ACTN1: variants seen among roughly 807,000 people sequenced by gnomAD.
The protein encoded by ACTN1 is actinin alpha 1, also known as alpha-actinin-1.
A neutral mutation model predicts 119.6 loss-of-function variants in ACTN1; 30 were observed. That is an observed-to-expected ratio of 0.25 (90% CI 0.19 to 0.34). ACTN1 has a LOEUF of 0.34. ACTN1 is among the 10% of genes least tolerant of loss of function. ACTN1 has a pLI of 1.00. For synonymous variants in ACTN1, 429 were observed against 472.6 expected, an observed-to-expected ratio of 0.91 and a Z score of 1.20; for missense variants, 764 against 1,223.4, an observed-to-expected ratio of 0.62 and a Z score of 5.60.
In ACTN1 at chr14:68,882,665, G is replaced by A. The variant is rs1167899208; in HGVS notation, c.1819-73C>T. 3 of 1,594,548 alleles carry A rather than the reference G, an allele frequency of 1.9e-6. No individual in the cohort carries two copies. In the East Asian group the frequency reaches 6.7e-5, roughly 36 times the overall value. On this transcript the variant is annotated intron_variant, in intron 15 of 21. Coordinates refer to ENST00000394419, the MANE Select transcript of ACTN1 (RefSeq NM_001130004.2). The surrounding 1 kb of genome is among the most constrained non-coding windows in gnomAD (Gnocchi z 4.5). ...TCCATGTGCCAGATGAGGAAATGGA[G>A]GACCCAGAAGGGGAAGGGCCGGTCA...
At chr14:68,975,206 A>C (rs2037021040) in intron 1 of ACTN1, among the ~76,000 whole-genome samples, 1 of 152,274 alleles carries the variant, frequency 6.6e-6, no homozygotes, top group Non-Finnish European at 1.5e-5. Context: ...CCTTATTCAC[A>C]ACCACCTCTA....
chr14:68,961,862 C>A (rs1452649011), intron 1 of ACTN1, among the ~76,000 whole-genome samples: 1 of 152,146 alleles, frequency 6.6e-6, no homozygotes, highest in Non-Finnish European at 1.5e-5. Context: ...CCACTCCCCA[C>A]GGGAAGCATT....
Position 68,914,185 on chromosome 14 carries a change from C to T in ACTN1, c.341-1943G>A, listed in dbSNP as rs186630636. 2.8e-4 allele frequency among the ~76,000 whole-genome samples: 43 copies of T among 152,032 alleles called. No individual in the cohort carries two copies. In the East Asian group the frequency reaches 8.0e-3, roughly 28 times the overall value. ...TGTGAATCCATCCTGGGCAACAAAG[C>T]AAGACCCTCTCTAAAAAAATGAATA... is the stretch of plus-strand genomic sequence containing the variant. On this transcript the variant is annotated intron_variant, in intron 3 of 21. Transcript: ENST00000394419.
At chr14:68,877,756 T>C (rs1279927740) in intron 20 of ACTN1, 2 of 157,920 alleles carry the variant, frequency 1.3e-5, no homozygotes, top group African/African-American at 2.4e-5. Context: ...CACTGTATTT[T>C]CTACATGCCA....
intron 1 of ACTN1, chr14:68,936,500 C>CTTTT: frequency 4.0e-6 from 1 of 249,458 alleles, no homozygotes; most frequent in Non-Finnish European, 7.7e-6. Flanking sequence ...CTGTCATTAC[C>CTTTT]TTTTTTTTTT....
intron 3 of ACTN1, among the ~76,000 whole-genome samples, chr14:68,919,526 A>C (rs1038294843): frequency 6.6e-6 from 1 of 152,270 alleles, no homozygotes; most frequent in Non-Finnish European, 1.5e-5. Flanking sequence ...TTATACTGCT[A>C]TATGTAAATC....
chr14:68,974,678 A>G (rs2037003629), intron 1 of ACTN1, among the ~76,000 whole-genome samples: 1 of 152,224 alleles, frequency 6.6e-6, no homozygotes. Context: ...TTATTGGCAG[A>G]GCCTGTTGCA....
At chr14:68,953,061 C>T (rs1220393425) in intron 1 of ACTN1, among the ~76,000 whole-genome samples, 3 of 152,246 alleles carry the variant, frequency 2.0e-5, no homozygotes, top group South Asian at 2.1e-4. Context: ...AGTCAGCCTG[C>T]GCACCCACCC....
At chr14:68,904,936 T>C (rs1468723710) in intron 6 of ACTN1, among the ~76,000 whole-genome samples, 200 bp from the exon 7 acceptor site, 2 of 152,208 alleles carry the variant, frequency 1.3e-5, no homozygotes, top group Non-Finnish European at 2.9e-5. Flanking sequence ...AGCATTCTCT[T>C]TCCCCCTTCA....
In ACTN1 at chr14:68,898,799, T is replaced by C. The variant is rs144138257; in HGVS notation, c.762+3678A>G. Reference sequence around the variant, plus strand: ...TGTGGACAAAAGCAGCGTGAAATGGTTGCAACAGGGATGAGTGAAAGGGAA... The same window carrying C: ...TGTGGACAAAAGCAGCGTGAAATGGCTGCAACAGGGATGAGTGAAAGGGAA... On this transcript the variant is annotated intron_variant, in intron 8 of 21. Transcript: ENST00000394419. Among the ~76,000 whole-genome samples, 3 of 151,930 alleles carry C rather than the reference T, an allele frequency of 2.0e-5. No homozygotes were observed. In the East Asian group the frequency reaches 5.8e-4, roughly 29 times the overall value.
intron 8 of ACTN1, 109 bp from the exon 9 acceptor site, chr14:68,893,856 G>T: frequency 9.7e-7 from 1 of 1,027,210 alleles, no homozygotes; most frequent in Non-Finnish European, 1.4e-6. Flanking sequence ...CCCTGTGGTT[G>T]GAAGGGAGTT....
chr14:68,935,817 C>T (rs953561064), intron 1 of ACTN1, among the ~76,000 whole-genome samples: 1 of 149,310 alleles, frequency 6.7e-6, no homozygotes, highest in South Asian at 2.9e-4. Context: ...AACAAGATAA[C>T]CCACCTGCAG....
intron 1 of ACTN1, among the ~76,000 whole-genome samples, chr14:68,943,304 G>T (rs756421070): frequency 7.2e-5 from 11 of 152,218 alleles, no homozygotes; most frequent in Non-Finnish European, 1.6e-4. Context: ...GGGAAGAAGG[G>T]CAGCTGCAAG....
intron 11 of ACTN1, chr14:68,887,316 A>G: frequency 2.9e-6 from 1 of 349,702 alleles, no homozygotes; most frequent in Admixed American, 4.4e-5. Flanking sequence ...GATGTTACAG[A>G]GTGCACAATT....
At position 68,878,773 on chromosome 14, in the gene ACTN1, G is replaced by A. The variant is rs781186867; in HGVS notation, c.2361+216C>T. On this transcript the variant is annotated intron_variant, in intron 19 of 21. Coordinates refer to ENST00000394419, the MANE Select transcript of ACTN1 (RefSeq NM_001130004.2). The surrounding 1 kb of genome is among the most constrained non-coding windows in gnomAD (Gnocchi z 4.4). ...CCATGGGATGAAGAGCAGCGAGGAC[G>A]GAAGACAGCGGGCACCCAGTAGGTT... 15 of 1,558,852 alleles carry A rather than the reference G, an allele frequency of 9.6e-6. No homozygotes were observed. Among genetic ancestry groups the A allele is most frequent in the African/African-American group, 2.7e-5 (2 of 73,670 alleles).
chr14:68,881,526 G>A (rs1046060417), intron 16 of ACTN1, among the ~76,000 whole-genome samples: 25 of 152,130 alleles, frequency 1.6e-4, no homozygotes, highest in Non-Finnish European at 1.2e-4. Flanking sequence ...AACAACCATT[G>A]TTTGTGAAAG....
At position 68,874,840 on chromosome 14, in the gene ACTN1, G is replaced by C. The variant is rs370350860; in HGVS notation, c.*19C>G. ...GGCAGGGCACGGCGCACAAGACGAG[G>C]GCGGCCGGGCGGGGTGGATTAGAGG... is the stretch of plus-strand genomic sequence containing the variant. On this transcript the variant is annotated 3_prime_UTR_variant, in exon 22 of 22. Coordinates refer to ENST00000394419, the MANE Select transcript of ACTN1 (RefSeq NM_001130004.2). 5 of 1,551,550 alleles carry C rather than the reference G, an allele frequency of 3.2e-6. No individual in the cohort carries two copies. In the Admixed American group the frequency reaches 5.3e-5, roughly 17 times the overall value.
At chr14:68,911,617 G>A (rs1211559492) in intron 4 of ACTN1, among the ~76,000 whole-genome samples, 2 of 152,220 alleles carry the variant, frequency 1.3e-5, no homozygotes, top group Non-Finnish European at 2.9e-5. Context: ...GTTTCAGTAT[G>A]TGTGTTTTAT....
At chr14:68,942,437 C>T (rs1003732028) in intron 1 of ACTN1, among the ~76,000 whole-genome samples, 22 of 152,096 alleles carry the variant, frequency 1.4e-4, no homozygotes, top group Non-Finnish European at 3.1e-4. Flanking sequence ...CTATAAACTG[C>T]CACTCCTTAC....
Sources: gnomAD v4.1 joint callset for allele counts (sites outside exome capture counted in the v4.1 genomes callset) on GRCh38, gnomAD v4.1.1 for gene constraint, Gnocchi (gnomAD v3.1) non-coding constraint, MANE v1.5 for transcripts, NCBI Gene and HGNC (gene_info 2026-07-23, HGNC 2026-07-21) for gene names.